AK9: variants seen among roughly 807,000 people sequenced by gnomAD.
The protein encoded by AK9 is adenylate kinase domain containing 1.
AK9 carries 191 observed loss-of-function variants against 239.6 expected under a neutral mutation model. The ratio of observed to expected loss-of-function variants is 0.80; its 90% confidence interval spans 0.71 to 0.90. The LOEUF is 0.90. Among genes scored for constraint, AK9 ranks in the 40% least tolerant of loss-of-function variants. The probability of loss-of-function intolerance (pLI) is 0.00; values close to 1 mark genes in which losing one functional copy is unlikely to be tolerated. For synonymous variants in AK9, 689 were observed against 721.0 expected, an observed-to-expected ratio of 0.96 and a Z score of 0.71; for missense variants, 1,995 against 2,214.7, an observed-to-expected ratio of 0.90 and a Z score of 1.99.
At chr6:109,557,035 C>T (rs949582291) in intron 24 of AK9, among the ~76,000 whole-genome samples, 1 of 151,922 alleles carries the variant, frequency 6.6e-6, no homozygotes, top group African/African-American at 2.4e-5. Context: ...GGTGGAGAAA[C>T]ACTGCAATCA....
chr6:109,575,244 A>G (rs535932945), intron 20 of AK9, among the ~76,000 whole-genome samples: 2 of 152,330 alleles, frequency 1.3e-5, no homozygotes, highest in East Asian at 3.9e-4. Context: ...TAGTTCTTTA[A>G]GGAATTGCCA....
At chr6:109,493,914 A>G (rs1317130754) in intron 40 of AK9, 67 bp downstream of exon 40, 6 of 1,217,036 alleles carry the variant, frequency 4.9e-6, no homozygotes, top group Middle Eastern at 2.4e-4. Flanking sequence ...TAACAATCCT[A>G]TTCATCACTT....
chr6:109,571,408 T>C, intron 21 of AK9, among the ~76,000 whole-genome samples: 1 of 152,194 alleles, frequency 6.6e-6, no homozygotes, highest in Non-Finnish European at 1.5e-5. Context: ...AATAACTCTC[T>C]TGTAGGACTT....
rs184666425 is a variant in AK9 at position 109,524,779 on chromosome 6, C to T, written c.3633+4232G>A. Among the ~76,000 whole-genome samples the T allele has an allele frequency of 1.7e-3, 257 of 152,202 alleles. 2 individuals carry two copies. Among genetic ancestry groups the T allele is most frequent in the Admixed American group, 3.4e-3 (52 of 15,278 alleles). ...TAATGTATTCAGTTGTAAAACACATCACAACTAGAGCATAAAGGATGTTAG... is the reference window on the plus strand; with the variant it reads ...TAATGTATTCAGTTGTAAAACACATTACAACTAGAGCATAAAGGATGTTAG... On this transcript the variant is annotated intron_variant, in intron 29 of 40. Coordinates refer to ENST00000424296, the MANE Select transcript of AK9 (RefSeq NM_001145128.3).
chr6:109,553,383 G>C (rs1784586742), intron 24 of AK9, among the ~76,000 whole-genome samples: 1 of 152,128 alleles, frequency 6.6e-6, no homozygotes, highest in African/African-American at 2.4e-5. Context: ...TCCTTGAGCA[G>C]TGGTTTGTAG....
Position 109,535,081 on chromosome 6 carries a change from A to G in AK9, c.3351-1611T>C, listed in dbSNP as rs36188785. Among the ~76,000 whole-genome samples, 215 of 152,280 alleles carry G rather than the reference A, an allele frequency of 1.4e-3. 3 individuals are homozygous for G. Among genetic ancestry groups the G allele is most frequent in the Non-Finnish European group, 2.7e-3 (183 of 68,024 alleles). On this transcript the variant is annotated intron_variant, in intron 27 of 40. Coordinates refer to ENST00000424296, the MANE Select transcript of AK9 (RefSeq NM_001145128.3). The stretch of plus-strand genomic sequence containing the variant: ...CAATAAACATACGTGTGCATGTGGC[A>G]TTATAGCAGCATGATTTATAATCCT...
At chr6:109,502,286 T>C (rs868379472) in intron 35 of AK9, among the ~76,000 whole-genome samples, 25 of 152,276 alleles carry the variant, frequency 1.6e-4, no homozygotes, top group Middle Eastern at 3.4e-3. Flanking sequence ...CCAGTACCCA[T>C]GAATATGACC....
intron 19 of AK9, among the ~76,000 whole-genome samples, chr6:109,584,191 C>T (rs2128210615): frequency 6.6e-6 from 1 of 152,078 alleles, no homozygotes; most frequent in East Asian, 1.9e-4. Flanking sequence ...AAAATAAAAT[C>T]CTCTGGCACA....
At position 109,546,136 on chromosome 6, in the gene AK9, G is replaced by A; in HGVS notation, c.2965-9C>T. ...ATTCTTAATGGAGGAGCCTGTCACA[G>A]GGGGTGGGTCAGGGAGGGGTGGGAT... On this transcript the variant is annotated splice_polypyrimidine_tract_variant and intron_variant, in intron 25 of 40. Coordinates refer to ENST00000424296, the MANE Select transcript of AK9 (RefSeq NM_001145128.3). 6.3e-7 allele frequency: 1 copy of A among 1,580,180 alleles called. No individual in the cohort carries two copies. Among genetic ancestry groups the A allele is most frequent in the Non-Finnish European group, 8.6e-7 (1 of 1,162,952 alleles).
chr6:109,591,883 C>T (rs1161522417), intron 17 of AK9, among the ~76,000 whole-genome samples: 2 of 151,238 alleles, frequency 1.3e-5, no homozygotes, highest in Non-Finnish European at 2.9e-5. Context: ...GTGCAGTTCA[C>T]TGCCAGCACT....
At chr6:109,505,219 A>G (rs1280352131) in intron 35 of AK9, among the ~76,000 whole-genome samples, 1 of 152,186 alleles carries the variant, frequency 6.6e-6, no homozygotes, top group African/African-American at 2.4e-5. Context: ...TGGAATCCTC[A>G]CTGCATTTTT....
intron 1 of AK9, among the ~76,000 whole-genome samples, chr6:109,689,839 A>G (rs1774066642): frequency 6.6e-6 from 1 of 152,230 alleles, no homozygotes; most frequent in Non-Finnish European, 1.5e-5. Flanking sequence ...CTAGATAAAA[A>G]CACTGTGCAA....
intron 10 of AK9, among the ~76,000 whole-genome samples, chr6:109,637,170 T>C (rs1490212657): frequency 6.6e-6 from 1 of 152,248 alleles, no homozygotes; most frequent in Admixed American, 6.5e-5. Context: ...TCTTTTCATG[T>C]ACTTACTGGC....
chr6:109,633,043 G>A lies in AK9; in HGVS notation c.1134C>T (p.Asn378=). Residue 378 remains asparagine (N), a synonymous_variant, in exon 12 of 41, where the codon AAC becomes AAT. Transcript: ENST00000424296. The part of the protein sequence containing the change: ...SEEALKPFLL[N]PRPYLLPPMP... ...TAGGTGGAAGCAGATAGGGACGTGG[G>A]TTCAACAAAAATGGTTTTAATGCTT... 1.3e-6 allele frequency: 2 copies of A among 1,576,264 alleles called. No homozygotes were observed. The highest frequency in any genetic ancestry group is 4.5e-5 in the East Asian group (2 of 44,272).
chr6:109,622,899 TA>T (rs1795048075), intron 12 of AK9, among the ~76,000 whole-genome samples: 1 of 152,018 alleles, frequency 6.6e-6, no homozygotes. Context: ...TTTCTATGCC[TA>T]ATGGTTATAC....
At chr6:109,685,730 T>TA (rs988579640) in intron 1 of AK9, among the ~76,000 whole-genome samples, 1 of 151,600 alleles carries the variant, frequency 6.6e-6, no homozygotes, top group African/African-American at 2.4e-5. Context: ...AATATAATAA[T>TA]AAAAAAAGAA....
At chr6:109,609,048 A>G (rs1344681662) in intron 17 of AK9, among the ~76,000 whole-genome samples, 2 of 152,202 alleles carry the variant, frequency 1.3e-5, no homozygotes, top group Non-Finnish European at 2.9e-5. Context: ...TGACAACCTG[A>G]TATGAGCTTT....
chr6:109,689,260 G>C (rs1773967503), intron 1 of AK9, among the ~76,000 whole-genome samples: 1 of 152,160 alleles, frequency 6.6e-6, no homozygotes, highest in African/African-American at 2.4e-5. Flanking sequence ...GGGTGGCATG[G>C]TGTGAACTTG....
intron 12 of AK9, among the ~76,000 whole-genome samples, chr6:109,622,749 T>C (rs951035318): frequency 7.9e-5 from 12 of 151,180 alleles, no homozygotes; most frequent in Admixed American, 6.6e-4. Context: ...TTTTGGTATA[T>C]ACATTTTTGG....
Sources: gnomAD v4.1 joint callset for allele counts (sites outside exome capture counted in the v4.1 genomes callset) on GRCh38, gnomAD v4.1.1 for gene constraint, MANE v1.5 for transcripts, NCBI Gene and HGNC (gene_info 2026-07-23, HGNC 2026-07-21) for gene names.